TOR4A: variants seen among roughly 807,000 people sequenced by gnomAD.
The protein encoded by TOR4A is torsin-4A.
In TOR4A, 12 loss-of-function variants were observed where a neutral mutation model predicts 11.5. The ratio of observed to expected loss-of-function variants is 1.04; its 90% confidence interval spans 0.67 to 1.69. The LOEUF (loss-of-function observed/expected upper bound fraction) is 1.69. Ranked by LOEUF, TOR4A falls within the 40% of genes most tolerant of loss-of-function variation. TOR4A has a pLI of 0.00. For synonymous variants in TOR4A, 362 were observed against 307.4 expected (o/e 1.18, Z -1.86); for missense variants, 640 against 643.2 (o/e 0.99, Z 0.05).
rs1288033067 is a variant in TOR4A at position 137,279,043 on chromosome 9, C to G, written c.354C>G (p.Arg118=). ...KYRPRVEHRS[R]AQRCLLLLVA... ...GGCCGCGCGTGGAGCACAGGAGCCGCGCGCAGCGCTGCCTTCTGCTGCTAG... is the reference window on the plus strand; with the variant it reads ...GGCCGCGCGTGGAGCACAGGAGCCGGGCGCAGCGCTGCCTTCTGCTGCTAG... Residue 118 remains arginine, a synonymous_variant, in exon 2 of 2, where the codon CGC becomes CGG. Transcript: ENST00000357503. 6.2e-7 allele frequency: 1 copy of G among 1,604,396 alleles called. No homozygotes were observed. Among genetic ancestry groups the G allele is most frequent in the African/African-American group, 1.3e-5 (1 of 74,864 alleles).
rs1298212395 is a variant in TOR4A, at chr9:137,282,579, G to A, written c.*2618G>A. 1.8e-5 allele frequency: 3 copies of A among 167,078 alleles called. No homozygotes were observed. The East Asian group carries it at 5.8e-4, about 32-fold the overall frequency. 10.3% of individuals were successfully genotyped at this position (167,078 alleles called of 1,614,324 possible). On this transcript the variant is annotated 3_prime_UTR_variant, in exon 2 of 2. Coordinates refer to ENST00000357503, the MANE Select transcript of TOR4A (RefSeq NM_017723.3). Reference sequence around the variant, plus strand: ...AGAATGTGCACCAAGTGCTGGGGTGGGGGCTGGTAATAAACGAGGCCACAA... The same window carrying A: ...AGAATGTGCACCAAGTGCTGGGGTGAGGGCTGGTAATAAACGAGGCCACAA...
At position 137,278,791 on chromosome 9, in the gene TOR4A, C is replaced by T; in HGVS notation, c.102C>T (p.Arg34=). 2.1e-6 allele frequency: 3 copies of T among 1,453,432 alleles called. No homozygotes were observed. The highest frequency in any genetic ancestry group is 2.7e-6 in the Non-Finnish European group (3 of 1,114,676). 90.0% of individuals were successfully genotyped at this position (1,453,432 alleles called of 1,614,324 possible). A position where few individuals can be genotyped will look rare whatever the true frequency, so the allele number is the denominator to read the frequency against. The change falls in exon 2 of 2, where the codon CGC becomes CGT. Residue 34 remains arginine (R), a synonymous_variant. Coordinates refer to ENST00000357503, the MANE Select transcript of TOR4A (RefSeq NM_017723.3). ...TGCGCGCTGTGCTCCGCCTGCGCCG[C>T]CGGGTGTGTGTCCTACGCAAACGGC... ...APVRAVLRLR[R]RVCVLRKRRL...
rs1830692552 is a variant in TOR4A, at chr9:137,279,697, G to A, written c.1008G>A (p.Ala336=). Residue 336 remains alanine (A), a synonymous_variant, in exon 2 of 2, where the codon GCG becomes GCA. Transcript: ENST00000357503. ...FRSAEAAAAQ[A]EEDLRASLLA... ...GTGCCGAGGCCGCAGCGGCGCAGGC[G>A]GAAGAAGACCTGCGCGCCAGCCTGC... 5 of 1,571,822 alleles carry A rather than the reference G, an allele frequency of 3.2e-6. No homozygotes were observed. The highest frequency in any genetic ancestry group is 2.3e-5 in the South Asian group (2 of 88,238).
chr9:137,279,335 G>C lies in TOR4A; in HGVS notation c.646G>C (p.Glu216Gln), dbSNP rs759145612. 2.0e-6 allele frequency: 3 copies of C among 1,533,382 alleles called. No homozygotes were observed. The South Asian group carries it at 3.6e-5, about 18-fold the overall frequency. The allele number at this position is 1,533,382 out of a possible 1,614,324, so 95.0% of individuals were successfully genotyped here. Reference protein sequence around the residue: ...LLARHFRSVLEDSALVLQYHA... With the variant: ...LLARHFRSVLQDSALVLQYHA... ...GGCGCGCCACTTCCGCTCGGTGCTG[G>C]AGGACAGCGCGCTCGTGCTGCAATA... The change falls in exon 2 of 2, where the codon GAG becomes CAG. Residue 216 changes from glutamate (E) to glutamine (Q), a missense_variant. Transcript: ENST00000357503.
At chr9:137,278,616 C>A in intron 1 of TOR4A, 37 bp from the exon 2 acceptor site, 1 of 1,202,760 alleles carries the variant, frequency 8.3e-7, no homozygotes, top group Non-Finnish European at 1.0e-6. Flanking sequence ...AGGGCAGTGG[C>A]GGGAGTCCAG....
Position 137,279,602 on chromosome 9 carries a change from G to A in TOR4A, c.913G>A (p.Ala305Thr). The change falls in exon 2 of 2, where the codon GCC becomes ACC. Residue 305 changes from alanine (A) to threonine (T), a missense_variant. Ala to Thr is a moderately conservative substitution (Grantham distance 58). Coordinates refer to ENST00000357503, the MANE Select transcript of TOR4A (RefSeq NM_017723.3). The part of the protein sequence containing the change: ...IYVLLSGAGG[A>T]EVTRFVLQNA... ...CGTGCTCCTCAGTGGCGCGGGTGGC[G>A]CCGAGGTCACGCGCTTCGTGCTGCA... 6.4e-7 allele frequency: 1 copy of A among 1,567,650 alleles called. No homozygotes were observed. The highest frequency in any genetic ancestry group is 8.6e-7 in the Non-Finnish European group (1 of 1,160,658).
In TOR4A at chr9:137,280,569, CA is replaced by C. The variant is rs1830703898; in HGVS notation, c.*610del. The C allele has an allele frequency of 1.8e-5, 3 of 167,284 alleles. No homozygotes were observed. The Admixed American group carries it at 2.0e-4, about 11-fold the overall frequency. 10.4% of individuals were successfully genotyped at this position (167,284 alleles called of 1,614,324 possible). The stretch of plus-strand genomic sequence containing the variant: ...CTCTCCCCCTCCTTCCTGGACCCCC[CA>C]ACCCCGGGCCCGCCAGCCCTGGCTT... On this transcript the variant is annotated 3_prime_UTR_variant, in exon 2 of 2. Coordinates refer to ENST00000357503, the MANE Select transcript of TOR4A (RefSeq NM_017723.3).
rs1251839450 is a variant in TOR4A, at chr9:137,279,740, G to A, written c.1051G>A (p.Glu351Lys). 5 of 1,582,272 alleles carry A rather than the reference G, an allele frequency of 3.2e-6. No individual in the cohort carries two copies. The highest frequency in any genetic ancestry group is 2.3e-5 in the South Asian group (2 of 88,388). The change falls in exon 2 of 2, where the codon GAG becomes AAG. Residue 351 changes from glutamate to lysine, a missense_variant. Coordinates refer to ENST00000357503, the MANE Select transcript of TOR4A (RefSeq NM_017723.3). ...CAGCCTGCTGGCTGTGCTGTCCCGGGAGCATCCGCTGTGGCAGGCCGCGGC... is the reference window on the plus strand; with the variant it reads ...CAGCCTGCTGGCTGTGCTGTCCCGGAAGCATCCGCTGTGGCAGGCCGCGGC... ...RASLLAVLSREHPLWQAAAIV... is the reference protein window; with the variant it reads ...RASLLAVLSRKHPLWQAAAIV...
At position 137,279,350 on chromosome 9, in the gene TOR4A, G is replaced by C; in HGVS notation, c.661G>C (p.Val221Leu). 6.5e-7 allele frequency: 1 copy of C among 1,532,072 alleles called. No individual in the cohort carries two copies. Among genetic ancestry groups the C allele is most frequent in the Non-Finnish European group, 8.7e-7 (1 of 1,143,278 alleles). The allele number at this position is 1,532,072 out of a possible 1,614,324, so 94.9% of individuals were successfully genotyped here. A position where few individuals can be genotyped will look rare whatever the true frequency, so the allele number is the denominator to read the frequency against. ...CTCGGTGCTGGAGGACAGCGCGCTC[G>C]TGCTGCAATACCATGCGCGGCACCA... Reference protein sequence around the residue: ...FRSVLEDSALVLQYHARHHCP... With the variant: ...FRSVLEDSALLLQYHARHHCP... Residue 221 changes from valine (V) to leucine (L), a missense_variant, in exon 2 of 2, where the codon GTG becomes CTG. Transcript: ENST00000357503.
rs1830726251 is a variant in TOR4A, at chr9:137,282,077, C to T, written c.*2116C>T. ...AGCTCCCCTTCCCACAGAGCACCCA[C>T]CTGGAGGTGTCACCTGCCGGCAAGC... On this transcript the variant is annotated 3_prime_UTR_variant, in exon 2 of 2. Coordinates refer to ENST00000357503, the MANE Select transcript of TOR4A (RefSeq NM_017723.3). 6.0e-6 allele frequency: 1 copy of T among 167,208 alleles called. No individual in the cohort carries two copies. Among genetic ancestry groups the T allele is most frequent in the Non-Finnish European group, 1.5e-5 (1 of 68,198 alleles). 10.4% of individuals were successfully genotyped at this position (167,208 alleles called of 1,614,324 possible).
intron 1 of TOR4A, among the ~76,000 whole-genome samples, 163 bp downstream of exon 1, chr9:137,278,070 C>T (rs1166601222): frequency 6.6e-6 from 1 of 152,228 alleles, no homozygotes; most frequent in African/African-American, 2.4e-5. Flanking sequence ...TTGGGAGGAC[C>T]CCAGTTTTGG....
At position 137,279,178 on chromosome 9, in the gene TOR4A, C is replaced by A. The variant is rs1391803092; in HGVS notation, c.489C>A (p.Gly163=). 1.3e-6 allele frequency: 2 copies of A among 1,558,468 alleles called. No homozygotes were observed. Among genetic ancestry groups the A allele is most frequent in the Non-Finnish European group, 1.7e-6 (2 of 1,151,932 alleles). ...AAGCGCTGCAGCGCGCGGTGTTCGGCCAGCCCGCTGCCGTATCGCGCATCG... is the reference window on the plus strand; with the variant it reads ...AAGCGCTGCAGCGCGCGGTGTTCGGACAGCCCGCTGCCGTATCGCGCATCG... ...LEKALQRAVF[G]QPAAVSRIVA... The change falls in exon 2 of 2, where the codon GGC becomes GGA. Residue 163 remains glycine, a synonymous_variant. Transcript: ENST00000357503.
Position 137,279,395 on chromosome 9 carries a change from G to A in TOR4A, c.706G>A (p.Ala236Thr), listed in dbSNP as rs1477318903. The A allele has an allele frequency of 1.5e-5, 23 of 1,529,460 alleles. No individual in the cohort carries two copies. Among genetic ancestry groups the A allele is most frequent in the Non-Finnish European group, 2.0e-5 (23 of 1,140,170 alleles). The allele number at this position is 1,529,460 out of a possible 1,614,324, so 94.7% of individuals were successfully genotyped here. ...ARHHCPEARA[A>T]QDCREELARR... ...GCACCACTGCCCCGAGGCGCGCGCCGCACAGGACTGCCGCGAGGAGCTGGC... is the reference window on the plus strand; with the variant it reads ...GCACCACTGCCCCGAGGCGCGCGCCACACAGGACTGCCGCGAGGAGCTGGC... Residue 236 changes from alanine to threonine, a missense_variant, in exon 2 of 2, where the codon GCA becomes ACA. Ala to Thr is a moderately conservative substitution (Grantham distance 58). Coordinates refer to ENST00000357503, the MANE Select transcript of TOR4A (RefSeq NM_017723.3).
In TOR4A at chr9:137,278,680, T is replaced by A; in HGVS notation, c.-10T>A. 1 of 1,333,582 alleles carries A rather than the reference T, an allele frequency of 7.5e-7. No individual in the cohort carries two copies. Among genetic ancestry groups the A allele is most frequent in the Non-Finnish European group, 9.6e-7 (1 of 1,044,378 alleles). 82.6% of individuals were successfully genotyped at this position (1,333,582 alleles called of 1,614,324 possible). On this transcript the variant is annotated 5_prime_UTR_variant, in exon 2 of 2. Transcript: ENST00000357503. ...AGGGCGACCTGTATGCGGAGCGCCGTTCCTGCGACATGGACCGCGGCCAGC... is the reference window on the plus strand; with the variant it reads ...AGGGCGACCTGTATGCGGAGCGCCGATCCTGCGACATGGACCGCGGCCAGC...
In TOR4A at chr9:137,278,756, A is replaced by G; in HGVS notation, c.67A>G (p.Ile23Val). Residue 23 changes from isoleucine (I) to valine (V), a missense_variant, in exon 2 of 2, where the codon ATC (isoleucine) becomes GTC (valine). By Grantham distance (29) the Ile-to-Val change is conservative (BLOSUM62 3). Coordinates refer to ENST00000357503, the MANE Select transcript of TOR4A (RefSeq NM_017723.3). Reference sequence around the variant, plus strand: ...CCCCCGAGCCTCGGGCCGGTGCGTGATCGCGCCCGTGCGCGCTGTGCTCCG... The same window carrying G: ...CCCCCGAGCCTCGGGCCGGTGCGTGGTCGCGCCCGTGCGCGCTGTGCTCCG... ...AAPRASGRCV[I>V]APVRAVLRLR... 1 of 1,408,334 alleles carries G rather than the reference A, an allele frequency of 7.1e-7. No individual in the cohort carries two copies. Among genetic ancestry groups the G allele is most frequent in the Non-Finnish European group, 9.2e-7 (1 of 1,090,274 alleles). 87.2% of individuals were successfully genotyped at this position (1,408,334 alleles called of 1,614,324 possible).
In TOR4A at chr9:137,279,353, C is replaced by T; in HGVS notation, c.664C>T (p.Leu222=). 8.5e-6 allele frequency: 13 copies of T among 1,530,676 alleles called. No individual in the cohort carries two copies. Among genetic ancestry groups the T allele is most frequent in the Non-Finnish European group, 1.1e-5 (12 of 1,142,236 alleles). The allele number at this position is 1,530,676 out of a possible 1,614,324, so 94.8% of individuals were successfully genotyped here. The change falls in exon 2 of 2, where the codon CTG becomes TTG. Residue 222 remains leucine, a synonymous_variant. Coordinates refer to ENST00000357503, the MANE Select transcript of TOR4A (RefSeq NM_017723.3). ...RSVLEDSALV[L]QYHARHHCPE... is the part of the protein sequence containing the mutation. ...GGTGCTGGAGGACAGCGCGCTCGTG[C>T]TGCAATACCATGCGCGGCACCACTG... is the stretch of plus-strand genomic sequence containing the variant.
chr9:137,279,542 C>A lies in TOR4A; in HGVS notation c.853C>A (p.Pro285Thr). Residue 285 changes from proline (P) to threonine (T), a missense_variant, in exon 2 of 2, where the codon CCG becomes ACG. Coordinates refer to ENST00000357503, the MANE Select transcript of TOR4A (RefSeq NM_017723.3). ...GGACGAGCTGCACGGCTTCCTGCAGCCGCAGCGCTCCCACCACTTCCACAA... is the reference window on the plus strand; with the variant it reads ...GGACGAGCTGCACGGCTTCCTGCAGACGCAGCGCTCCCACCACTTCCACAA... ...LLDELHGFLQ[P>T]QRSHHFHNAI... The A allele has an allele frequency of 6.3e-7, 1 of 1,586,746 alleles. No homozygotes were observed. Among genetic ancestry groups the A allele is most frequent in the Admixed American group, 1.7e-5 (1 of 58,346 alleles).
intron 1 of TOR4A, 95 bp downstream of exon 1, chr9:137,278,002 A>C (rs1588194219): frequency 6.6e-6 from 1 of 150,810 alleles, no homozygotes; most frequent in African/African-American, 2.5e-5. Flanking sequence ...TTTTCGTTTC[A>C]CCTCCACTAG....
At position 137,279,724 on chromosome 9, in the gene TOR4A, G is replaced by A. The variant is rs750791366; in HGVS notation, c.1035G>A (p.Leu345=). The A allele has an allele frequency of 1.3e-6, 2 of 1,575,986 alleles. No individual in the cohort carries two copies. Among genetic ancestry groups the A allele is most frequent in the East Asian group, 4.6e-5 (2 of 43,568 alleles). The change falls in exon 2 of 2, where the codon CTG becomes CTA. Residue 345 remains leucine (L), a synonymous_variant. Coordinates refer to ENST00000357503, the MANE Select transcript of TOR4A (RefSeq NM_017723.3). The part of the protein sequence containing the change: ...QAEEDLRASL[L]AVLSREHPLW... ...AAGAAGACCTGCGCGCCAGCCTGCT[G>A]GCTGTGCTGTCCCGGGAGCATCCGC...
Sources: gnomAD v4.1 joint callset for allele counts (sites outside exome capture counted in the v4.1 genomes callset) on GRCh38, gnomAD v4.1.1 for gene constraint, MANE v1.5 for transcripts, NCBI Gene and HGNC (gene_info 2026-07-23, HGNC 2026-07-21) for gene names.